The following ZFYVE1 variants were observed in gnomAD, a reference collection of about 807,000 sequenced individuals.
ZFYVE1 encodes the protein zinc finger FYVE domain-containing protein 1.
Under a neutral mutation model 74.4 loss-of-function variants are expected in ZFYVE1, and 30 were observed. The ratio of observed to expected loss-of-function variants is 0.40; its 90% CI spans 0.30 to 0.55. ZFYVE1 has a LOEUF of 0.55. Among genes scored for constraint, ZFYVE1 ranks in the 20% least tolerant of loss-of-function variants. The pLI, the probability that ZFYVE1 is intolerant of heterozygous loss-of-function variation, is 0.42. For synonymous variants in ZFYVE1, 335 were observed against 385.1 expected (o/e 0.87, Z 1.52); for missense variants, 703 against 1,011.6 (o/e 0.69, Z 4.14).
Position 73,007,825 on chromosome 14 carries a change from A to C in ZFYVE1, c.484-9510T>G, listed in dbSNP as rs951702273. On this transcript the variant is annotated intron_variant, in intron 2 of 11. Transcript: ENST00000556143. The stretch of plus-strand genomic sequence containing the variant: ...TTTCCTCAACACAGCAAGTTTAGAA[A>C]ATTTCTTTTCATTCTATCCTAAAGG... 9.2e-5 allele frequency among the ~76,000 whole-genome samples: 14 copies of C among 152,218 alleles called. No individual in the cohort carries two copies. The East Asian group carries it at 2.1e-3, about 23-fold the overall frequency.
intron 2 of ZFYVE1, among the ~76,000 whole-genome samples, chr14:73,009,484 C>T (rs780139112): frequency 9.2e-5 from 14 of 152,264 alleles, no homozygotes; most frequent in East Asian, 1.9e-4. Context: ...AGGCTGGGCG[C>T]GGAGGCTCAC....
chr14:73,026,688 A>T (rs1594873799), intron 1 of ZFYVE1, among the ~76,000 whole-genome samples: 1 of 149,610 alleles, frequency 6.7e-6, no homozygotes, highest in African/African-American at 2.5e-5. Flanking sequence ...CCCGGACACC[A>T]CCGCCACAAC....
intron 2 of ZFYVE1, among the ~76,000 whole-genome samples, chr14:73,015,295 A>AGG (rs1567362940): frequency 1.1e-4 from 9 of 78,368 alleles, no homozygotes; most frequent in East Asian, 4.4e-4. Flanking sequence ...GAAGGAAGGA[A>AGG]AGAAGGGAGG....
chr14:73,019,601 C>T (rs537385842), intron 2 of ZFYVE1, among the ~76,000 whole-genome samples: 4 of 152,310 alleles, frequency 2.6e-5, no homozygotes, highest in African/African-American at 7.2e-5. Flanking sequence ...CGGATTCTCA[C>T]AGCAGCCATA....
At chr14:72,985,836 C>G (rs990331292) in intron 4 of ZFYVE1, among the ~76,000 whole-genome samples, 1 of 151,878 alleles carries the variant, frequency 6.6e-6, no homozygotes, top group African/African-American at 2.4e-5. Context: ...CCAGGCTGGT[C>G]TCCTGGACTC....
intron 10 of ZFYVE1, 27 bp from the exon 11 acceptor site, chr14:72,974,220 G>C (rs753703731): frequency 3.1e-6 from 5 of 1,604,928 alleles, no homozygotes; most frequent in African/African-American, 1.3e-5. Flanking sequence ...AGGAAATGCT[G>C]TCACCTCTAA....
At chr14:73,004,634 C>T (rs1893939611) in intron 2 of ZFYVE1, among the ~76,000 whole-genome samples, 1 of 152,072 alleles carries the variant, frequency 6.6e-6, no homozygotes, top group Non-Finnish European at 1.5e-5. Context: ...ACTCAAAGCT[C>T]CAGGCTGTTT....
chr14:72,985,995 C>T (rs373636851), intron 4 of ZFYVE1, among the ~76,000 whole-genome samples: 1 of 152,280 alleles, frequency 6.6e-6, no homozygotes, highest in South Asian at 2.1e-4. Context: ...TTCCTAAGGA[C>T]AAATGATATA....
At chr14:72,995,033 G>T (rs1297473177) in intron 3 of ZFYVE1, among the ~76,000 whole-genome samples, 1 of 152,022 alleles carries the variant, frequency 6.6e-6, no homozygotes, top group Non-Finnish European at 1.5e-5. Context: ...CGGTGATAAA[G>T]GTTGAAAGGA....
chr14:72,974,681 G>T, intron 10 of ZFYVE1, 98 bp downstream of exon 10: 3 of 1,430,812 alleles, frequency 2.1e-6, no homozygotes, highest in Non-Finnish European at 1.9e-6. Flanking sequence ...TCACAAGGGA[G>T]ATGTGGATTA....
In ZFYVE1 at chr14:73,016,482, A is replaced by G. The variant is rs140330398; in HGVS notation, c.483+7544T>C. ...GCTTGAGATCGTGCCACTGCACTCC[A>G]GCCTGGGCAACAGTGCAAGATTCCG... On this transcript the variant is annotated intron_variant, in intron 2 of 11. Coordinates refer to ENST00000556143, the MANE Select transcript of ZFYVE1 (RefSeq NM_021260.4). 1.8e-4 allele frequency among the ~76,000 whole-genome samples: 27 copies of G among 152,076 alleles called. No individual in the cohort carries two copies. In the East Asian group the frequency reaches 5.2e-3, roughly 29 times the overall value.
At position 73,024,741 on chromosome 14, in the gene ZFYVE1, G is replaced by T; in HGVS notation, c.-233C>A. ...GCAGCAACGTTGATTTGGTTTGATG[G>T]TTTCATCCTCCATAAAGTGCAAGCA... is the stretch of plus-strand genomic sequence containing the variant. On this transcript the variant is annotated 5_prime_UTR_variant, in exon 2 of 12. Transcript: ENST00000556143. 1 of 538,752 alleles carries T rather than the reference G, an allele frequency of 1.9e-6. No individual in the cohort carries two copies. The highest frequency in any genetic ancestry group is 3.1e-6 in the Non-Finnish European group (1 of 325,748). 33.4% of individuals were successfully genotyped at this position (538,752 alleles called of 1,614,324 possible).
At position 72,974,157 on chromosome 14, in the gene ZFYVE1, G is replaced by A. The variant is rs138489728; in HGVS notation, c.2024C>T (p.Thr675Met). The A allele has an allele frequency of 2.8e-5, 46 of 1,614,110 alleles. No individual in the cohort carries two copies. Among genetic ancestry groups the A allele is most frequent in the Non-Finnish European group, 3.7e-5 (44 of 1,179,986 alleles). The change falls in exon 11 of 12, where the codon ACG (threonine) becomes ATG (methionine). Residue 675 changes from threonine to methionine, a missense_variant. By Grantham distance (81) the Thr-to-Met change is moderately conservative. Transcript: ENST00000556143. ...CTCGCCCACCTTCCGAGCAATGAGC[G>A]TTCCACCTTCATCGTCCACTTGTGC... ...TEAQVDDEGG[T>M]LIARKVGEAV... is the part of the protein sequence containing the mutation.
intron 4 of ZFYVE1, among the ~76,000 whole-genome samples, chr14:72,987,246 C>G (rs766167079): frequency 2.2e-4 from 34 of 152,132 alleles, no homozygotes; most frequent in Non-Finnish European, 4.4e-4. Flanking sequence ...TCAAGAGTTT[C>G]TACATTTAGA....
chr14:73,004,696 C>T (rs1379319499), intron 2 of ZFYVE1, among the ~76,000 whole-genome samples: 1 of 151,970 alleles, frequency 6.6e-6, no homozygotes, highest in Non-Finnish European at 1.5e-5. Flanking sequence ...ACTGCATTTT[C>T]GTCATGTGAA....
intron 3 of ZFYVE1, among the ~76,000 whole-genome samples, chr14:72,993,666 T>C (rs371411674): frequency 6.6e-6 from 1 of 151,760 alleles, no homozygotes; most frequent in Admixed American, 6.6e-5. Context: ...ACCACTGCAC[T>C]ATAGCCTGGG....
chr14:73,000,181 A>ATG (rs1348135366), intron 2 of ZFYVE1, among the ~76,000 whole-genome samples: 1 of 152,246 alleles, frequency 6.6e-6, no homozygotes, highest in Non-Finnish European at 1.5e-5. Flanking sequence ...TAAGCAAAGA[A>ATG]TTTGAATAGA....
At chr14:73,023,228 A>G (rs982240789) in intron 2 of ZFYVE1, among the ~76,000 whole-genome samples, 2 of 135,818 alleles carry the variant, frequency 1.5e-5, no homozygotes, top group African/African-American at 2.7e-5. Context: ...TATATTTTAT[A>G]TGTTTTATAT....
At chr14:72,973,575 G>A (rs2140341033) in intron 11 of ZFYVE1, among the ~76,000 whole-genome samples, 1 of 152,272 alleles carries the variant, frequency 6.6e-6, no homozygotes, top group Admixed American at 6.5e-5. Flanking sequence ...CTGGAACCCT[G>A]ACATCATTTA....
Sources: allele counts gnomAD v4.1 joint callset (sites outside exome capture counted in the v4.1 genomes callset), GRCh38; gene constraint gnomAD v4.1.1; transcripts MANE v1.5; gene names NCBI Gene and HGNC (gene_info 2026-07-23, HGNC 2026-07-21).